The following ERCC4 variants were observed in gnomAD, a reference collection of about 807,000 sequenced individuals.
The protein encoded by ERCC4 is DNA repair endonuclease XPF.
ERCC4 carries 65 observed loss-of-function variants against 76.9 expected under a neutral mutation model. That is an observed-to-expected ratio of 0.84 (90% confidence interval 0.69 to 1.04). The LOEUF (loss-of-function observed/expected upper bound fraction) is 1.04, where lower values mean the gene tolerates loss of function less well. Among genes scored for constraint, ERCC4 ranks in the 50% least tolerant of loss-of-function variants. The pLI is 0.00. For missense variants in ERCC4, 1,214 were observed against 1,128.2 expected, an observed-to-expected ratio of 1.08 and a Z score of -1.09; for synonymous variants, 463 against 410.1, an observed-to-expected ratio of 1.13 and a Z score of -1.56.
chr16:13,933,613 CAGG>C (rs1232796158), intron 6 of ERCC4: 2 of 152,270 alleles, frequency 1.3e-5, no homozygotes, highest in Non-Finnish European at 2.9e-5. Flanking sequence ...GAGGCTGAGG[CAGG>C]AGACTTGCTT....
At chr16:13,939,439 A>T (rs3136176) in intron 9 of ERCC4, among the ~76,000 whole-genome samples, 37,786 of 152,018 alleles carry the variant, frequency 0.25, 4,952 homozygotes, top group Middle Eastern at 0.34. Context: ...GTAAAAGAAG[A>T]GGGTGTAATA....
intron 9 of ERCC4, among the ~76,000 whole-genome samples, chr16:13,942,576 C>G (rs1029841792): frequency 6.6e-6 from 1 of 152,170 alleles, no homozygotes; most frequent in Admixed American, 6.5e-5. Flanking sequence ...TTATGTAATC[C>G]TCATAACAGT....
chr16:13,923,383 T>C (rs1228109006), intron 2 of ERCC4, among the ~76,000 whole-genome samples: 1 of 152,130 alleles, frequency 6.6e-6, no homozygotes, highest in East Asian at 1.9e-4. Flanking sequence ...CTGTGATCGT[T>C]AGTGAACTTC....
chr16:13,926,006 G>A (rs544332313), intron 2 of ERCC4, among the ~76,000 whole-genome samples: 64 of 152,216 alleles, frequency 4.2e-4, no homozygotes, highest in African/African-American at 1.4e-3. Flanking sequence ...ATTTACCTCT[G>A]AATTGACTAT....
rs144666685 is a variant in ERCC4, at chr16:13,922,190, A to G, written c.367A>G (p.Ile123Val). The G allele has an allele frequency of 5.6e-6, 9 of 1,608,574 alleles. No individual in the cohort carries two copies. The highest frequency in any genetic ancestry group is 7.7e-6 in the Non-Finnish European group (9 of 1,175,260). Reference protein sequence around the residue: ...ILVVDFLTDRIPSDLITGILV... With the variant: ...ILVVDFLTDRVPSDLITGILV... The stretch of plus-strand genomic sequence containing the variant: ...TGTGGTTGACTTCTTGACTGATAGA[A>G]TACCTTCAGATTTAATTACTGGTAA... Residue 123 changes from isoleucine (I) to valine (V), a missense_variant, in exon 2 of 11, where the codon ATA (isoleucine) becomes GTA (valine). By Grantham distance (29) the Ile-to-Val change is conservative. Coordinates refer to ENST00000311895, the MANE Select transcript of ERCC4 (RefSeq NM_005236.3).
chr16:13,920,370 G>C lies in ERCC4; in HGVS notation c.205G>C (p.Glu69Gln), dbSNP rs990610890. 6.4e-7 allele frequency: 1 copy of C among 1,573,128 alleles called. No homozygotes were observed. The highest frequency in any genetic ancestry group is 1.3e-5 in the African/African-American group (1 of 74,216). Reference protein sequence around the residue: ...VLVLNTQPAEEEYFINQLKIE... With the variant: ...VLVLNTQPAEQEYFINQLKIE... ...GGTGCTCAACACGCAGCCGGCCGAG[G>C]AGGTGCGGCCGCGCTGGCGCGGGAG... is the stretch of plus-strand genomic sequence containing the variant. Residue 69 changes from glutamate to glutamine, a missense_variant and splice_region_variant, in exon 1 of 11, where the codon GAG becomes CAG. Transcript: ENST00000311895.
chr16:13,943,710 C>T (rs549065477), intron 9 of ERCC4, among the ~76,000 whole-genome samples: 37 of 152,058 alleles, frequency 2.4e-4, no homozygotes, highest in African/African-American at 7.7e-4. Flanking sequence ...TCTGTTTTAT[C>T]GCAGTTCCTC....
intron 4 of ERCC4, among the ~76,000 whole-genome samples, chr16:13,928,915 G>A (rs2032120209): frequency 6.6e-6 from 1 of 152,070 alleles, no homozygotes; most frequent in African/African-American, 2.4e-5. Context: ...TAAACTCTGA[G>A]TCAATCTCTA....
chr16:13,939,917 A>G (rs1036935223), intron 9 of ERCC4, among the ~76,000 whole-genome samples: 8 of 152,218 alleles, frequency 5.3e-5, no homozygotes, highest in African/African-American at 1.9e-4. Flanking sequence ...GTTTTCGCTC[A>G]TTAAAATAAT....
chr16:13,923,889 C>G (rs1193058066), intron 2 of ERCC4, among the ~76,000 whole-genome samples: 1 of 152,092 alleles, frequency 6.6e-6, no homozygotes, highest in Non-Finnish European at 1.5e-5. Flanking sequence ...GTGTTTAAAA[C>G]TACCACTAGG....
chr16:13,922,354 C>T (rs1240005253), intron 2 of ERCC4, 143 bp downstream of exon 2: 8 of 765,118 alleles, frequency 1.0e-5, no homozygotes, highest in East Asian at 2.4e-5. Flanking sequence ...TGGTAGGGGT[C>T]GTGGGGCAGC....
At position 13,920,248 on chromosome 16, in the gene ERCC4, A is replaced by G. The variant is rs367608263; in HGVS notation, c.83A>G (p.Asp28Gly). The G allele has an allele frequency of 5.2e-5, 84 of 1,607,598 alleles. No homozygotes were observed. The highest frequency in any genetic ancestry group is 6.0e-5 in the Non-Finnish European group (71 of 1,179,940). ...CGACAGCTGGTGCTGGAACTGCTCGACACTGACGGGCTAGTAGTGTGCGCC... is the reference window on the plus strand; with the variant it reads ...CGACAGCTGGTGCTGGAACTGCTCGGCACTGACGGGCTAGTAGTGTGCGCC... ...YERQLVLELL[D>G]TDGLVVCARG... The change falls in exon 1 of 11, where the codon GAC (aspartate) becomes GGC (glycine). Residue 28 changes from aspartate to glycine, a missense_variant. Coordinates refer to ENST00000311895, the MANE Select transcript of ERCC4 (RefSeq NM_005236.3).
chr16:13,941,963 A>G (rs2032420864), intron 9 of ERCC4, among the ~76,000 whole-genome samples: 1 of 152,208 alleles, frequency 6.6e-6, no homozygotes, highest in Non-Finnish European at 1.5e-5. Flanking sequence ...TCACGCCTGT[A>G]ATCCCAGCAC....
chr16:13,939,452 A>G (rs2032371275), intron 9 of ERCC4, among the ~76,000 whole-genome samples: 1 of 152,170 alleles, frequency 6.6e-6, no homozygotes, highest in Admixed American at 6.5e-5. Flanking sequence ...GTGTAATAGG[A>G]GAGTACATCA....
chr16:13,920,902 C>G (rs1348741984), intron 1 of ERCC4, among the ~76,000 whole-genome samples: 1 of 151,960 alleles, frequency 6.6e-6, no homozygotes, highest in Non-Finnish European at 1.5e-5. Context: ...TGGGAGGGGT[C>G]CCCAGAAGGA....
rs1413807398 is a variant in ERCC4 at position 13,949,119 on chromosome 16, G to T, written c.*772G>T. On this transcript the variant is annotated 3_prime_UTR_variant, in exon 11 of 11. Coordinates refer to ENST00000311895, the MANE Select transcript of ERCC4 (RefSeq NM_005236.3). ...ATGTAGCATATACTATAATTTCATT[G>T]TTCCAAATTAGTATTTTTAAAGCAA... is the stretch of plus-strand genomic sequence containing the variant. The T allele has an allele frequency of 1.3e-5, 3 of 232,942 alleles. No homozygotes were observed. The highest frequency in any genetic ancestry group is 6.6e-5 in the African/African-American group (3 of 45,334). 14.4% of individuals were successfully genotyped at this position (232,942 alleles called of 1,614,324 possible). A position where few individuals can be genotyped will look rare whatever the true frequency, so the allele number is the denominator to read the frequency against.
At chr16:13,943,595 C>T (rs564695527) in intron 9 of ERCC4, among the ~76,000 whole-genome samples, 1 of 152,170 alleles carries the variant, frequency 6.6e-6, no homozygotes, top group East Asian at 1.9e-4. Flanking sequence ...ATGAGATTTG[C>T]GTGGGGACCC....
chr16:13,930,728 G>T lies in ERCC4; in HGVS notation c.811G>T (p.Asp271Tyr). Reference protein sequence around the residue: ...PFDKTIRHYLDPLWHQLGAKT... With the variant: ...PFDKTIRHYLYPLWHQLGAKT... The stretch of plus-strand genomic sequence containing the variant: ...GTTTTAGACAATCCGCCATTATCTG[G>T]ATCCTTTGTGGCACCAGCTTGGAGC... The change falls in exon 5 of 11, where the codon GAT becomes TAT. Residue 271 changes from aspartate (D) to tyrosine (Y), a missense_variant. Coordinates refer to ENST00000311895, the MANE Select transcript of ERCC4 (RefSeq NM_005236.3). The T allele has an allele frequency of 6.2e-7, 1 of 1,613,672 alleles. No individual in the cohort carries two copies. Among genetic ancestry groups the T allele is most frequent in the South Asian group, 1.1e-5 (1 of 91,062 alleles).
chr16:13,924,470 G>A (rs1220820402), intron 2 of ERCC4, among the ~76,000 whole-genome samples: 1 of 152,154 alleles, frequency 6.6e-6, no homozygotes. Flanking sequence ...CCAGTGCTGT[G>A]CCTCCACTTT....
Sources: gnomAD v4.1 joint callset for allele counts (sites outside exome capture counted in the v4.1 genomes callset) on GRCh38, gnomAD v4.1.1 for gene constraint, MANE v1.5 for transcripts, NCBI Gene and HGNC (gene_info 2026-07-23, HGNC 2026-07-21) for gene names.